Variants in ANKRD30BL observed in about 807,000 individuals in gnomAD.
The protein encoded by ANKRD30BL is putative ankyrin repeat domain-containing protein 30B-like.
ANKRD30BL carries 20 observed loss-of-function variants against 18.4 expected under a neutral mutation model. That is an observed-to-expected ratio of 1.09 (90% confidence interval 0.77 to 1.58). The LOEUF (loss-of-function observed/expected upper bound fraction) is 1.58, where lower values mean the gene tolerates loss of function less well. Among genes scored for constraint, ANKRD30BL ranks in the 40% most tolerant of loss-of-function variants. The pLI is 0.00. For missense variants in ANKRD30BL, 224 were observed against 268.6 expected (o/e 0.83, Z 1.16); for synonymous variants, 72 against 100.9 (o/e 0.71, Z 1.72).
In ANKRD30BL at chr2:132,161,743, G is replaced by T. The variant is rs185202495; in HGVS notation, c.-38C>A. On this transcript the variant is annotated 5_prime_UTR_variant, in exon 1 of 6. Transcript: ENST00000409867. ...CTGCTAGAGAGAGCCCGTGCCTCCC[G>T]CTGCTCGCCCTTCCCCAGTCCCCGC... is the stretch of plus-strand genomic sequence containing the variant. 47 of 981,572 alleles carry T rather than the reference G, an allele frequency of 4.8e-5. No homozygotes were observed. Among genetic ancestry groups the T allele is most frequent in the Non-Finnish European group, 7.4e-5 (47 of 633,698 alleles). 60.8% of individuals were successfully genotyped at this position (981,572 alleles called of 1,614,324 possible).
intron 1 of ANKRD30BL, among the ~76,000 whole-genome samples, chr2:132,196,307 T>C (rs1179868721): frequency 3.9e-5 from 6 of 152,010 alleles, no homozygotes; most frequent in Non-Finnish European, 8.8e-5. Context: ...GGCGAAACCA[T>C]AGCTGGGAAT....
At chr2:132,193,967 G>A (rs1298652907) in intron 1 of ANKRD30BL, among the ~76,000 whole-genome samples, 3 of 151,606 alleles carry the variant, frequency 2.0e-5, no homozygotes, top group African/African-American at 4.9e-5. Flanking sequence ...ACTGGGGCAG[G>A]ATGAATACAC....
intron 1 of ANKRD30BL, among the ~76,000 whole-genome samples, chr2:132,171,103 C>T (rs1353212874): frequency 6.8e-6 from 1 of 147,776 alleles, no homozygotes; most frequent in African/African-American, 2.5e-5. Context: ...TGCAGTGAGC[C>T]GAGATCGCAC....
chr2:132,182,090 G>A (rs1300383985), intron 1 of ANKRD30BL, among the ~76,000 whole-genome samples: 3 of 150,830 alleles, frequency 2.0e-5, no homozygotes, highest in Non-Finnish European at 4.4e-5. Flanking sequence ...CTCTAGCCTG[G>A]GCAACAGAGC....
intron 1 of ANKRD30BL, among the ~76,000 whole-genome samples, chr2:132,210,107 T>G (rs1679305329): frequency 6.6e-6 from 1 of 152,090 alleles, no homozygotes; most frequent in Non-Finnish European, 1.5e-5. Flanking sequence ...TAAACTTTCT[T>G]TTGATTGAGG....
In ANKRD30BL at chr2:132,245,686, A is replaced by G. The variant is rs988183565; in HGVS notation, n.441+11843T>C. Among the ~76,000 whole-genome samples, 7 of 152,386 alleles carry G rather than the reference A, an allele frequency of 4.6e-5. No individual in the cohort carries two copies. In the East Asian group the frequency reaches 9.6e-4, roughly 21 times the overall value. On this transcript the variant is annotated intron_variant and non_coding_transcript_variant, in intron 1 of 4. Coordinates refer to the ANKRD30BL transcript ENST00000470729. ...GTGTGTACTCAACTCACAGAGTTGA[A>G]CTTTTCTTTTAATAGAGCAGTTTTG... is the stretch of plus-strand genomic sequence containing the variant.
chr2:132,248,455 A>G (rs2104805829), intron 1 of ANKRD30BL, among the ~76,000 whole-genome samples: 2 of 152,156 alleles, frequency 1.3e-5, no homozygotes, highest in South Asian at 4.2e-4. Flanking sequence ...TTCCTTTTTC[A>G]CCATACCTAT....
Position 132,161,847 on chromosome 2 carries a change from A to G in ANKRD30BL, c.-142T>C. ...TCTCAGTCGGGCCAAGCTTTTGGAC[A>G]CTCCAACCTCTCCCGGGAGAAAATG... On this transcript the variant is annotated 5_prime_UTR_variant, in exon 1 of 6. Transcript: ENST00000409867. 1 of 615,136 alleles carries G rather than the reference A, an allele frequency of 1.6e-6. No individual in the cohort carries two copies. Among genetic ancestry groups the G allele is most frequent in the South Asian group, 2.0e-5 (1 of 50,378 alleles). 38.1% of individuals were successfully genotyped at this position (615,136 alleles called of 1,614,324 possible).
At position 132,201,256 on chromosome 2, in the gene ANKRD30BL, C is replaced by T. The variant is rs866809606; in HGVS notation, n.442-44110G>A. ...ATGGGCAAGGACTTCATGTCTAAAA[C>T]ACCAAAAGCAATGGCAACCAAAGCC... On this transcript the variant is annotated intron_variant and non_coding_transcript_variant, in intron 1 of 4. Transcript: ENST00000470729. Among the ~76,000 whole-genome samples, 6 of 152,274 alleles carry T rather than the reference C, an allele frequency of 3.9e-5. 1 individual carries two copies. In the Middle Eastern group the frequency reaches 0.02, roughly 518 times the overall value.
intron 1 of ANKRD30BL, among the ~76,000 whole-genome samples, chr2:132,234,270 A>T (rs1048531962): frequency 2.6e-5 from 4 of 152,186 alleles, no homozygotes; most frequent in Non-Finnish European, 5.9e-5. Flanking sequence ...CATCACAATT[A>T]AAATAACTAG....
intron 1 of ANKRD30BL, among the ~76,000 whole-genome samples, chr2:132,212,813 A>G (rs2104759738): frequency 6.6e-6 from 1 of 151,856 alleles, no homozygotes; most frequent in African/African-American, 2.4e-5. Context: ...ATGTCCTCAC[A>G]TAAAAACTAG....
intron 1 of ANKRD30BL, among the ~76,000 whole-genome samples, chr2:132,230,378 T>C (rs6730845): frequency 0.072 from 10,868 of 151,686 alleles, 1,274 homozygotes; most frequent in African/African-American, 0.25. Context: ...AGAGTTGAAC[T>C]TTCCTTTGAT....
Position 132,148,062 on chromosome 2 carries a change from A to G in ANKRD30BL, c.*69T>C, listed in dbSNP as rs933635267. Reference sequence around the variant, plus strand: ...GAGGAACTCAGAACTCATTGTACTTAATCTTCCCCCTCTTGAATTTTAAAG... The same window carrying G: ...GAGGAACTCAGAACTCATTGTACTTGATCTTCCCCCTCTTGAATTTTAAAG... On this transcript the variant is annotated 3_prime_UTR_variant, in exon 6 of 6. Transcript: ENST00000409867. 3 of 1,184,632 alleles carry G rather than the reference A, an allele frequency of 2.5e-6. No individual in the cohort carries two copies. Among genetic ancestry groups the G allele is most frequent in the Non-Finnish European group, 3.7e-6 (3 of 814,736 alleles). The allele number at this position is 1,184,632 out of a possible 1,614,324, so 73.4% of individuals were successfully genotyped here. A position where few individuals can be genotyped will look rare whatever the true frequency, so the allele number is the denominator to read the frequency against.
At chr2:132,245,393 A>C (rs1378372820) in intron 1 of ANKRD30BL, among the ~76,000 whole-genome samples, 1 of 150,186 alleles carries the variant, frequency 6.7e-6, no homozygotes, top group African/African-American at 2.4e-5. Flanking sequence ...GAGTATTTGG[A>C]ATTGGACATT....
intron 1 of ANKRD30BL, among the ~76,000 whole-genome samples, chr2:132,192,930 T>G (rs1472155727): frequency 1.3e-5 from 2 of 152,218 alleles, no homozygotes; most frequent in African/African-American, 4.8e-5. Flanking sequence ...TTCTTTGCCG[T>G]AGTCAGTGGG....
intron 1 of ANKRD30BL, among the ~76,000 whole-genome samples, chr2:132,234,873 GAC>G (rs779185327): frequency 3.7e-4 from 56 of 152,226 alleles, no homozygotes; most frequent in Non-Finnish European, 6.9e-4. Flanking sequence ...GCCAGGCAGA[GAC>G]ACAACCAAAA....
chr2:132,204,314 A>G (rs1449907196), intron 1 of ANKRD30BL, among the ~76,000 whole-genome samples: 21 of 151,622 alleles, frequency 1.4e-4, no homozygotes, highest in African/African-American at 5.1e-4. Flanking sequence ...TCTCAATATC[A>G]GTGATTTTGT....
At chr2:132,221,812 G>A (rs1679695054) in intron 1 of ANKRD30BL, among the ~76,000 whole-genome samples, 1 of 122,674 alleles carries the variant, frequency 8.2e-6, no homozygotes, top group African/African-American at 3.9e-5. Context: ...CCGTCCGGGA[G>A]GGAGGTGGGG....
chr2:132,177,209 A>C (rs1376308389), intron 1 of ANKRD30BL, among the ~76,000 whole-genome samples: 1 of 151,808 alleles, frequency 6.6e-6, no homozygotes, highest in Non-Finnish European at 1.5e-5. Flanking sequence ...GGTGGAGTGC[A>C]ATGGCACTTC....
Sources: gnomAD v4.1 joint callset for allele counts (sites outside exome capture counted in the v4.1 genomes callset) on GRCh38, gnomAD v4.1.1 for gene constraint, MANE v1.5 for transcripts, NCBI Gene and HGNC (gene_info 2026-07-23, HGNC 2026-07-21) for gene names.